The following RSPH14 variants were observed in gnomAD, a reference collection of about 807,000 sequenced individuals.
RSPH14 encodes radial spoke head 14 homolog, also known as rhabdoid tumor deletion region gene 1.
In RSPH14, 20 loss-of-function variants were observed where a neutral mutation model predicts 26.7. That is an observed-to-expected ratio of 0.75 (90% CI 0.53 to 1.09). RSPH14 has a LOEUF of 1.09. RSPH14 is among the 50% of genes least tolerant of loss of function. The pLI is 0.00. For missense variants in RSPH14, 449 were observed against 457.2 expected, an observed-to-expected ratio of 0.98 and a Z score of 0.16; for synonymous variants, 177 against 189.3, an observed-to-expected ratio of 0.93 and a Z score of 0.53.
chr22:23,127,784 C>T (rs998529440), intron 4 of RSPH14, among the ~76,000 whole-genome samples: 26 of 152,192 alleles, frequency 1.7e-4, no homozygotes, highest in Admixed American at 3.9e-4. Flanking sequence ...GTCCCCTGAA[C>T]CCCCAAATGA....
At chr22:23,154,172 C>G in the RSPH14 span, among the ~76,000 whole-genome samples, 4 of 152,128 alleles carry the variant, frequency 2.6e-5, no homozygotes, top group African/African-American at 9.7e-5. Context: ...TGCAGGCCTG[C>G]CTGGGCTCGG....
intron 4 of RSPH14, among the ~76,000 whole-genome samples, chr22:23,103,409 C>T (rs998208849): frequency 2.0e-5 from 3 of 152,140 alleles, no homozygotes; most frequent in Admixed American, 6.5e-5. Flanking sequence ...AGGATTGATC[C>T]GCTACTGCCA....
chr22:23,130,147 GAAAGAA>G (rs2070312389), intron 4 of RSPH14, among the ~76,000 whole-genome samples: 1 of 120,682 alleles, frequency 8.3e-6, no homozygotes, highest in Non-Finnish European at 1.8e-5. Flanking sequence ...AAGAAAGAAA[GAAAGAA>G]AGAAAGAAAA....
intron 4 of RSPH14, among the ~76,000 whole-genome samples, chr22:23,106,592 A>G (rs1245661078): frequency 6.6e-6 from 1 of 152,058 alleles, no homozygotes; most frequent in East Asian, 1.9e-4. Context: ...GCTAGTGAGG[A>G]GGTAGGGCAG....
chr22:23,104,207 G>A (rs993200306), intron 4 of RSPH14, among the ~76,000 whole-genome samples: 6 of 152,154 alleles, frequency 3.9e-5, no homozygotes, highest in South Asian at 2.1e-4. Context: ...GCGGGATGAC[G>A]GAGGACCAGG....
intron 4 of RSPH14, among the ~76,000 whole-genome samples, chr22:23,105,900 G>A (rs1310676406): frequency 6.6e-6 from 1 of 152,228 alleles, no homozygotes; most frequent in African/African-American, 2.4e-5. Context: ...TTGGGCAGGA[G>A]AGCTTATGGG....
At chr22:23,143,352 G>A (rs1164338715), upstream of RSPH14, among the ~76,000 whole-genome samples, 1 of 150,910 alleles carries the variant, frequency 6.6e-6, no homozygotes, top group Non-Finnish European at 1.5e-5. Flanking sequence ...TTTAAAAAAA[G>A]ATACAAGAAA....
At chr22:23,067,322 C>G (rs886532574) in intron 4 of RSPH14, among the ~76,000 whole-genome samples, 10 of 152,170 alleles carry the variant, frequency 6.6e-5, no homozygotes, top group Admixed American at 2.0e-4. Context: ...CAGTCACCAC[C>G]ATGGCCCCCT....
intron 4 of RSPH14, among the ~76,000 whole-genome samples, chr22:23,065,569 G>A (rs1227309659): frequency 7.5e-6 from 1 of 132,578 alleles, no homozygotes. Flanking sequence ...AAAAGCCTAG[G>A]TCTCATTTAA....
chr22:23,172,737 T>G, the RSPH14 span, among the ~76,000 whole-genome samples: 11 of 150,620 alleles, frequency 7.3e-5, no homozygotes, highest in East Asian at 9.8e-4. Context: ...GATTGTGAGG[T>G]CAGGAGATCG....
intron 5 of RSPH14, 49 bp from the exon 6 acceptor site, chr22:23,061,994 G>C (rs201950618): frequency 6.2e-6 from 10 of 1,609,676 alleles, no homozygotes; most frequent in Non-Finnish European, 8.5e-6. Context: ...AGGGAGAAGA[G>C]GCGCAAGGCC....
chr22:23,091,285 C>T (rs1569169470), intron 4 of RSPH14, among the ~76,000 whole-genome samples: 1 of 152,238 alleles, frequency 6.6e-6, no homozygotes, highest in Non-Finnish European at 1.5e-5. Flanking sequence ...TGCACTCTCA[C>T]AGACACAAAC....
At chr22:23,150,275 G>GAGC in the RSPH14 span, 4 of 718,730 alleles carry the variant, frequency 5.6e-6, no homozygotes, top group South Asian at 6.6e-5. Flanking sequence ...GTACAGGCCT[G>GAGC]AAGATGACTG....
chr22:23,119,205 GAC>G (rs1484660557), intron 4 of RSPH14, among the ~76,000 whole-genome samples: 2 of 152,242 alleles, frequency 1.3e-5, no homozygotes, highest in African/African-American at 2.4e-5. Context: ...GCACCGCTGT[GAC>G]ACAGGCTCCC....
intron 4 of RSPH14, among the ~76,000 whole-genome samples, chr22:23,102,978 A>T (rs1241806560): frequency 6.6e-6 from 1 of 152,154 alleles, no homozygotes; most frequent in East Asian, 1.9e-4. Flanking sequence ...CTCTTGCCCT[A>T]GTGCTGGTAA....
intron 3 of RSPH14, among the ~76,000 whole-genome samples, chr22:23,136,736 T>C (rs1465105361): frequency 7.2e-6 from 1 of 139,454 alleles, no homozygotes; most frequent in Non-Finnish European, 1.6e-5. Context: ...ACCTGTCCTC[T>C]CAGCATCTGT....
chr22:23,079,583 G>C (rs1052125646), intron 4 of RSPH14, among the ~76,000 whole-genome samples: 1 of 152,168 alleles, frequency 6.6e-6, no homozygotes, highest in Non-Finnish European at 1.5e-5. Flanking sequence ...ACATGAGAAG[G>C]TTTCAAGCAC....
chr22:23,165,423 G>A, the RSPH14 span, among the ~76,000 whole-genome samples: 4 of 152,190 alleles, frequency 2.6e-5, no homozygotes, highest in South Asian at 2.1e-4. Flanking sequence ...CAGTGAAGGC[G>A]GTTTGGGGCT....
In RSPH14 at chr22:23,141,948, C is replaced by A; in HGVS notation, c.-53+1G>T. Reference sequence around the variant, plus strand: ...CCCCTAGCCCACCACCGCCGCCTCACCTGCCTCCGCAGCCCTTTCTGCTTC... The same window carrying A: ...CCCCTAGCCCACCACCGCCGCCTCAACTGCCTCCGCAGCCCTTTCTGCTTC... On this transcript the variant is annotated splice_donor_variant, in intron 1 of 6. Transcript: ENST00000216036. LOFTEE classifies it low-confidence loss of function (5UTR_SPLICE). The A allele has an allele frequency of 1.0e-6, 1 of 985,614 alleles. No individual in the cohort carries two copies. The highest frequency in any genetic ancestry group is 4.7e-5 in the South Asian group (1 of 21,312). The allele number at this position is 985,614 out of a possible 1,614,324, so 61.1% of individuals were successfully genotyped here. A position where few individuals can be genotyped will look rare whatever the true frequency, so the allele number is the denominator to read the frequency against.
Sources: gnomAD v4.1 joint callset for allele counts (sites outside exome capture counted in the v4.1 genomes callset) on GRCh38, gnomAD v4.1.1 for gene constraint, MANE v1.5 for transcripts, NCBI Gene and HGNC (gene_info 2026-07-23, HGNC 2026-07-21) for gene names.